TKT: variants seen among roughly 807,000 people sequenced by gnomAD.
The protein encoded by TKT is epididymis luminal protein 107.
In TKT, 47 loss-of-function variants were observed where a neutral mutation model predicts 63.9. That is an observed-to-expected ratio of 0.74 (90% CI 0.58 to 0.94). TKT has a LOEUF of 0.94. TKT is among the 40% of genes least tolerant of loss of function. TKT has a pLI of 0.00. For synonymous variants in TKT, 338 were observed against 334.1 expected (o/e 1.01, Z -0.13); for missense variants, 721 against 846.2 (o/e 0.85, Z 1.84).
chr3:53,228,563 T>C (rs1217891361), intron 10 of TKT: 1 of 591,208 alleles, frequency 1.7e-6, no homozygotes, highest in Non-Finnish European at 2.9e-6. Context: ...CCTTGCAGCC[T>C]CAGACCGAAG....
chr3:53,242,199 G>T lies in TKT; in HGVS notation c.151C>A (p.Leu51Ile), dbSNP rs1705312046. The T allele has an allele frequency of 6.2e-7, 1 of 1,614,044 alleles. No homozygotes were observed. Among genetic ancestry groups the T allele is most frequent in the African/African-American group, 1.3e-5 (1 of 74,934 alleles). Residue 51 changes from leucine to isoleucine, a missense_variant, in exon 2 of 14, where the codon CTC becomes ATC. Coordinates refer to ENST00000462138, the MANE Select transcript of TKT (RefSeq NM_001064.4). ...TTGTAGCGCATGGTGTGGAAAAAGAGGACAGCCATGATCTCTGCGGCGCTG... is the reference window on the plus strand; with the variant it reads ...TTGTAGCGCATGGTGTGGAAAAAGATGACAGCCATGATCTCTGCGGCGCTG... ...CCSAAEIMAV[L>I]FFHTMRYKSQ...
chr3:53,233,501 C>T (rs1704869234), intron 5 of TKT: 2 of 458,078 alleles, frequency 4.4e-6, no homozygotes, highest in Non-Finnish European at 7.7e-6. Context: ...TGCCTCTGAA[C>T]AGGTTTTCCT....
At chr3:53,237,493 T>TACAC (rs1491469313) in intron 4 of TKT, among the ~76,000 whole-genome samples, 25 of 93,796 alleles carry the variant, frequency 2.7e-4, no homozygotes, top group East Asian at 1.8e-3. Flanking sequence ...GATTTTATAT[T>TACAC]ATACACACAC....
In TKT at chr3:53,251,115, A is replaced by G. The variant is rs548249671; in HGVS notation, c.107+4721T>C. On this transcript the variant is annotated intron_variant, in intron 1 of 13. Coordinates refer to ENST00000462138, the MANE Select transcript of TKT (RefSeq NM_001064.4). The stretch of plus-strand genomic sequence containing the variant: ...AGGCACAGCCACTAGGAACAGAGCC[A>G]GGGTTGGACTCATCTCCTGTGTCCA... Among the ~76,000 whole-genome samples, 41 of 152,382 alleles carry G rather than the reference A, an allele frequency of 2.7e-4. No homozygotes were observed. The South Asian group carries it at 6.0e-3, about 22-fold the overall frequency.
intron 7 of TKT, 111 bp from the exon 8 acceptor site, chr3:53,230,732 C>G (rs1704717673): frequency 1.5e-6 from 2 of 1,327,178 alleles, no homozygotes; most frequent in Non-Finnish European, 2.1e-6. Flanking sequence ...AAATGGAAGC[C>G]CTGGAGCACA....
At chr3:53,250,607 C>T (rs182869305) in intron 1 of TKT, among the ~76,000 whole-genome samples, 2 of 152,166 alleles carry the variant, frequency 1.3e-5, no homozygotes, top group East Asian at 3.9e-4. Flanking sequence ...CTCAACTCTA[C>T]AAAAAATACA....
At chr3:53,245,418 C>G (rs1214280695) in intron 1 of TKT, among the ~76,000 whole-genome samples, 1 of 152,148 alleles carries the variant, frequency 6.6e-6, no homozygotes, top group African/African-American at 2.4e-5. Flanking sequence ...CTCACTCCAC[C>G]TGCTCACAGG....
intron 11 of TKT, 27 bp downstream of exon 11, chr3:53,228,249 G>C: frequency 6.2e-7 from 1 of 1,614,044 alleles, no homozygotes; most frequent in Non-Finnish European, 8.5e-7. Context: ...CAGCTCTGTG[G>C]GCTCCTGGGG....
At chr3:53,231,786 A>C in intron 6 of TKT, 1 of 534,258 alleles carries the variant, frequency 1.9e-6, no homozygotes, top group Non-Finnish European at 3.3e-6. Context: ...TTGGGAGCTC[A>C]CAGCTGAGTG....
At chr3:53,228,170 G>A (rs781998107) in intron 11 of TKT, 21 bp from the exon 12 acceptor site, 3 of 1,613,404 alleles carry the variant, frequency 1.9e-6, no homozygotes, top group Non-Finnish European at 1.7e-6. Context: ...CACAGAGGGT[G>A]AGTAAGGCTC....
intron 1 of TKT, chr3:53,243,461 G>T: frequency 2.6e-6 from 1 of 391,994 alleles, no homozygotes; most frequent in Non-Finnish European, 5.1e-6. Context: ...TCCAATCAGC[G>T]CTCCCACCAG....
chr3:53,242,338 G>A (rs1705319423), intron 1 of TKT, 96 bp from the exon 2 acceptor site: 1 of 1,200,376 alleles, frequency 8.3e-7, no homozygotes, highest in East Asian at 2.4e-5. Context: ...TGCATGTCCT[G>A]AGGAGTCACA....
chr3:53,236,128 C>T (rs147562603), intron 4 of TKT, among the ~76,000 whole-genome samples: 2 of 152,338 alleles, frequency 1.3e-5, no homozygotes, highest in African/African-American at 4.8e-5. Flanking sequence ...ACTTGGGGAC[C>T]TCCCCTTACC....
At position 53,241,257 on chromosome 3, in the gene TKT, T is replaced by C. The variant is rs782007925; in HGVS notation, c.226-12A>G. 31 of 1,593,934 alleles carry C rather than the reference T, an allele frequency of 1.9e-5. No homozygotes were observed. The highest frequency in any genetic ancestry group is 2.3e-5 in the East Asian group (1 of 43,092). ...GGAGCTGCATGGCCCTGCCGGGAGA[T>C]GGATGGTGGGGTGAGGTCAGGTGGG... is the stretch of plus-strand genomic sequence containing the variant. On this transcript the variant is annotated splice_polypyrimidine_tract_variant and intron_variant, in intron 2 of 13. Transcript: ENST00000462138.
At chr3:53,253,359 AGT>A (rs1261780986) in intron 1 of TKT, among the ~76,000 whole-genome samples, 1 of 151,598 alleles carries the variant, frequency 6.6e-6, no homozygotes, top group Admixed American at 6.6e-5. Context: ...CCCATGCTGC[AGT>A]GTGTGGCATG....
intron 3 of TKT, 136 bp downstream of exon 3, chr3:53,240,996 C>T: frequency 1.4e-6 from 1 of 713,772 alleles, no homozygotes; most frequent in Non-Finnish European, 2.2e-6. Context: ...CTGCTTCTTT[C>T]CTTCCTCAAC....
At chr3:53,236,302 G>T (rs976762337) in intron 4 of TKT, among the ~76,000 whole-genome samples, 1 of 152,240 alleles carries the variant, frequency 6.6e-6, no homozygotes, top group Non-Finnish European at 1.5e-5. Context: ...GCCAAGGCAG[G>T]GGCAGCAGGA....
intron 1 of TKT, among the ~76,000 whole-genome samples, chr3:53,248,327 CG>C (rs1197640290): frequency 6.6e-6 from 1 of 152,132 alleles, no homozygotes; most frequent in Admixed American, 6.5e-5. Context: ...GTCCACACAA[CG>C]GAATATTCAG....
chr3:53,243,467 A>C, intron 1 of TKT: 1 of 401,004 alleles, frequency 2.5e-6, no homozygotes, highest in South Asian at 1.8e-5. Flanking sequence ...CAGCGCTCCC[A>C]CCAGGTTAGG....
Sources: gnomAD v4.1 joint callset for allele counts (sites outside exome capture counted in the v4.1 genomes callset) on GRCh38, gnomAD v4.1.1 for gene constraint, MANE v1.5 for transcripts, NCBI Gene and HGNC (gene_info 2026-07-23, HGNC 2026-07-21) for gene names.